The following WWOX variants were observed in gnomAD, a reference collection of about 807,000 sequenced individuals.
WWOX encodes the protein WW domain-containing oxidoreductase.
A neutral mutation model predicts 46.2 loss-of-function variants in WWOX; 69 were observed. The observed-to-expected ratio is 1.49, with a 90% CI of 1.23 to 1.82. The LOEUF (loss-of-function observed/expected upper bound fraction) is 1.82. Ranked by LOEUF, WWOX falls within the 40% of genes most tolerant of loss-of-function variation. The pLI is 0.00. For synonymous variants in WWOX, 359 were observed against 202.6 expected, an observed-to-expected ratio of 1.77 and a Z score of -6.56; for missense variants, 919 against 542.6, an observed-to-expected ratio of 1.69 and a Z score of -6.89.
At chr16:78,745,522 CTT>C (rs5818168) in intron 8 of WWOX, among the ~76,000 whole-genome samples, 1,654 of 92,674 alleles carry the variant, frequency 0.018, 11 homozygotes, top group African/African-American at 0.049. Flanking sequence ...TGTGGAAATC[CTT>C]TTTTTTTTTT....
Position 78,646,094 on chromosome 16 carries a change from C to G in WWOX, c.1056+213342C>G, listed in dbSNP as rs548743652. On this transcript the variant is annotated intron_variant, in intron 8 of 8. Transcript: ENST00000566780. ...GTAACTGCGCATACTCTCCTCATGT[C>G]AAGAACTTACATCCCTCTACAAAGT... Among the ~76,000 whole-genome samples the G allele has an allele frequency of 3.3e-5, 5 of 152,280 alleles. No homozygotes were observed. The South Asian group carries it at 1.0e-3, about 32-fold the overall frequency.
intron 8 of WWOX, among the ~76,000 whole-genome samples, chr16:79,201,350 T>C (rs200715188): frequency 0.07 from 10,279 of 147,198 alleles, 600 homozygotes; most frequent in African/African-American, 0.16. Flanking sequence ...TTTCTTTTTT[T>C]TTTTTTTTTT....
At chr16:78,470,687 C>T (rs545650006) in intron 8 of WWOX, among the ~76,000 whole-genome samples, 3 of 152,262 alleles carry the variant, frequency 2.0e-5, no homozygotes, top group African/African-American at 7.2e-5. Context: ...GCCACCACAC[C>T]TGGCTAATTT....
chr16:78,614,557 C>A (rs1397678430), intron 8 of WWOX, among the ~76,000 whole-genome samples: 2 of 152,146 alleles, frequency 1.3e-5, no homozygotes, highest in Non-Finnish European at 2.9e-5. Context: ...AGATTGAACA[C>A]CTGTTGATGC....
intron 4 of WWOX, among the ~76,000 whole-genome samples, chr16:78,152,779 A>T (rs1426259749): frequency 6.6e-6 from 1 of 152,222 alleles, no homozygotes; most frequent in Non-Finnish European, 1.5e-5. Flanking sequence ...ACTGGGATTT[A>T]TTGTACAGCT....
intron 8 of WWOX, among the ~76,000 whole-genome samples, chr16:78,832,662 G>T (rs1232202255): frequency 6.6e-6 from 1 of 152,112 alleles, no homozygotes; most frequent in Admixed American, 6.5e-5. Flanking sequence ...CTGCTAGTGT[G>T]AATCCATGTC....
chr16:78,951,574 C>G (rs2046060867), intron 8 of WWOX, among the ~76,000 whole-genome samples: 1 of 152,222 alleles, frequency 6.6e-6, no homozygotes, highest in Admixed American at 6.5e-5. Flanking sequence ...ACAAAAACAA[C>G]AGGGCTTCAT....
At chr16:78,194,484 A>G (rs577377508) in intron 5 of WWOX, among the ~76,000 whole-genome samples, 35 of 149,498 alleles carry the variant, frequency 2.3e-4, no homozygotes, top group Admixed American at 1.3e-4. Context: ...GCTACTCGGG[A>G]TGCTGAGGTG....
intron 8 of WWOX, among the ~76,000 whole-genome samples, chr16:78,596,691 G>T (rs929938897): frequency 3.3e-5 from 5 of 152,190 alleles, no homozygotes; most frequent in East Asian, 1.9e-4. Flanking sequence ...GGGAGAATCA[G>T]TTGAGAGGTA....
intron 5 of WWOX, among the ~76,000 whole-genome samples, chr16:78,257,018 T>G: frequency 6.6e-6 from 1 of 152,096 alleles, no homozygotes; most frequent in South Asian, 2.1e-4. Context: ...ACATTAGGCT[T>G]TGGACTTGAG....
intron 6 of WWOX, among the ~76,000 whole-genome samples, chr16:78,416,198 T>G (rs1020640028): frequency 2.0e-5 from 3 of 152,244 alleles, no homozygotes; most frequent in Admixed American, 6.5e-5. Flanking sequence ...CTTTATAGTT[T>G]GAACTTTTCC....
intron 8 of WWOX, among the ~76,000 whole-genome samples, chr16:78,978,355 A>G (rs1029984655): frequency 2.6e-5 from 4 of 152,298 alleles, no homozygotes; most frequent in East Asian, 1.9e-4. Context: ...GTATATACCT[A>G]GGAGTGGAAG....
intron 8 of WWOX, among the ~76,000 whole-genome samples, chr16:78,912,622 A>G (rs148648651): frequency 8.5e-5 from 13 of 152,112 alleles, no homozygotes; most frequent in African/African-American, 3.1e-4. Context: ...CACCTTGTAG[A>G]ATTTCATTTC....
At chr16:78,473,108 C>T (rs1013182815) in intron 8 of WWOX, among the ~76,000 whole-genome samples, 3 of 152,188 alleles carry the variant, frequency 2.0e-5, no homozygotes, top group Admixed American at 6.5e-5. Flanking sequence ...TTTATAGGAA[C>T]ACAGTGTTGC....
At chr16:79,001,256 C>T (rs1453564897) in intron 8 of WWOX, among the ~76,000 whole-genome samples, 1 of 152,142 alleles carries the variant, frequency 6.6e-6, no homozygotes, top group Non-Finnish European at 1.5e-5. Context: ...CCTCCTCTCC[C>T]AAGACAAAGG....
intron 5 of WWOX, among the ~76,000 whole-genome samples, chr16:78,364,739 G>C (rs982939417): frequency 6.6e-6 from 1 of 152,168 alleles, no homozygotes; most frequent in Admixed American, 6.5e-5. Context: ...GTTAGTGTTT[G>C]AAGGATTAAT....
intron 1 of WWOX, among the ~76,000 whole-genome samples, chr16:78,102,441 T>C (rs1325040343): frequency 6.6e-6 from 1 of 152,208 alleles, no homozygotes; most frequent in African/African-American, 2.4e-5. Flanking sequence ...TGGCATTCAT[T>C]CAGCTTGTGA....
intron 8 of WWOX, among the ~76,000 whole-genome samples, chr16:79,208,858 A>G (rs1015628524): frequency 1.3e-5 from 2 of 152,194 alleles, no homozygotes; most frequent in African/African-American, 4.8e-5. Flanking sequence ...CCAAGAGACC[A>G]AAGGTGTGGT....
chr16:78,221,875 T>A (rs576013120), intron 5 of WWOX, among the ~76,000 whole-genome samples: 1 of 152,158 alleles, frequency 6.6e-6, no homozygotes, highest in Non-Finnish European at 1.5e-5. Flanking sequence ...AAAGCAGACT[T>A]TGTTTGTTTG....
Sources: allele counts gnomAD v4.1 joint callset (sites outside exome capture counted in the v4.1 genomes callset), GRCh38; gene constraint gnomAD v4.1.1; transcripts MANE v1.5; gene names NCBI Gene and HGNC (gene_info 2026-07-23, HGNC 2026-07-21).